Variants in COL18A1 observed in about 807,000 individuals in gnomAD.
COL18A1 encodes the protein collagen type XVIII alpha 1 chain, also known as collagen alpha-1(XVIII) chain.
COL18A1 carries 133 observed loss-of-function variants against 168.0 expected under a neutral mutation model. That is an observed-to-expected ratio of 0.79 (90% confidence interval 0.69 to 0.91). The LOEUF is 0.91. COL18A1 is among the 40% of genes least tolerant of loss of function. COL18A1 has a pLI of 0.00. For synonymous variants in COL18A1, 949 were observed against 809.0 expected, an observed-to-expected ratio of 1.17 and a Z score of -2.94; for missense variants, 2,126 against 1,925.4, an observed-to-expected ratio of 1.10 and a Z score of -1.95.
At chr21:45,430,106 C>G (rs1217490563) in intron 2 of COL18A1, among the ~76,000 whole-genome samples, 1 of 151,692 alleles carries the variant, frequency 6.6e-6, no homozygotes, top group African/African-American at 2.4e-5. Flanking sequence ...CTAGCGCCCT[C>G]TCGTTGGGGA....
In COL18A1 at chr21:45,443,034, G is replaced by A. The variant is rs2034421049; in HGVS notation, c.107-25208G>A. Among the ~76,000 whole-genome samples, 1 of 144,256 alleles carries A rather than the reference G, an allele frequency of 6.9e-6. No homozygotes were observed. The highest frequency in any genetic ancestry group is 2.8e-5 in the African/African-American group (1 of 35,910). 94.6% of individuals were successfully genotyped at this position (144,256 alleles called of 152,430 possible). On this transcript the variant is annotated intron_variant, in intron 2 of 41. Transcript: ENST00000651438. The surrounding 1 kb of genome is among the most constrained non-coding windows in gnomAD (Gnocchi z 5.2). ...TGATGTGGGTGGTGGTGGTGCTGAT[G>A]TGGGCGGCGGTGCTGGTGTGGGCGG... is the stretch of plus-strand genomic sequence containing the variant.
At position 45,455,453 on chromosome 21, in the gene COL18A1, G is replaced by T. The variant is rs752470; in HGVS notation, c.107-12789G>T. The T allele has an allele frequency of 3.3e-4, 521 of 1,591,386 alleles. 1 individual carries two copies. In the African/African-American group the frequency reaches 5.2e-3, roughly 16 times the overall value. ...GGGAAGCCTGCACAGGGGAGGGCAG[G>T]AGGGCGTGAGCCTGGCTAGCCCCAC... On this transcript the variant is annotated intron_variant, in intron 2 of 41. Coordinates refer to ENST00000651438, the MANE Select transcript of COL18A1 (RefSeq NM_001379500.1).
At chr21:45,456,731 C>T in intron 2 of COL18A1, 1 of 1,534,626 alleles carries the variant, frequency 6.5e-7, no homozygotes, top group Non-Finnish European at 8.7e-7. Context: ...CGGCAGCGTC[C>T]CGCCGCCCGC....
At chr21:45,502,639 A>C (rs2146053854) in intron 32 of COL18A1, 1 of 152,326 alleles carries the variant, frequency 6.6e-6, no homozygotes, top group South Asian at 2.1e-4. Flanking sequence ...ACTGAGGAAA[A>C]GGAGAGAAGC....
At chr21:45,436,762 G>A (rs1319765851) in intron 2 of COL18A1, among the ~76,000 whole-genome samples, 1 of 151,938 alleles carries the variant, frequency 6.6e-6, no homozygotes. Flanking sequence ...TCCCTGATGG[G>A]AGGGAGATGT....
intron 26 of COL18A1, chr21:45,494,248 T>TTC: frequency 4.2e-6 from 2 of 472,540 alleles, no homozygotes. Flanking sequence ...GCACATGCCC[T>TTC]CCACCCTCCA....
intron 2 of COL18A1, among the ~76,000 whole-genome samples, chr21:45,427,486 C>G (rs770192914): frequency 6.6e-6 from 1 of 152,206 alleles, no homozygotes; most frequent in African/African-American, 2.4e-5. Context: ...GCCCGGGTGC[C>G]GTGCCCATGG....
At chr21:45,468,922 C>A in intron 3 of COL18A1, 136 bp downstream of exon 3, 1 of 921,654 alleles carries the variant, frequency 1.1e-6, no homozygotes, top group Non-Finnish European at 1.6e-6. Flanking sequence ...CCCGGGCCTC[C>A]AGCGCAGGCC....
At chr21:45,422,651 C>T (rs892568251) in intron 2 of COL18A1, 14 of 346,440 alleles carry the variant, frequency 4.0e-5, no homozygotes, top group South Asian at 1.9e-4. Flanking sequence ...ACGGGGCCTC[C>T]GCCCAGCACC....
intron 21 of COL18A1, among the ~76,000 whole-genome samples, 155 bp downstream of exon 21, chr21:45,491,026 T>C (rs2036322711): frequency 6.6e-6 from 1 of 152,124 alleles, no homozygotes; most frequent in South Asian, 2.1e-4. Context: ...GCTTTCAGGC[T>C]GGGGGCAGCG....
chr21:45,493,475 C>T (rs1198709804), intron 25 of COL18A1, 26 bp from the exon 26 acceptor site: 1 of 1,546,314 alleles, frequency 6.5e-7, no homozygotes, highest in Non-Finnish European at 8.8e-7. Context: ...CTGGCCCTGA[C>T]TCTGCTGGAC....
intron 2 of COL18A1, among the ~76,000 whole-genome samples, chr21:45,448,807 C>T (rs569814633): frequency 1.1e-4 from 16 of 152,356 alleles, no homozygotes; most frequent in African/African-American, 2.9e-4. Flanking sequence ...TCAGGGACCA[C>T]GTGTTGCATT....
At position 45,405,309 on chromosome 21, in the gene COL18A1, CGGGGCTCGGCCGGGTCCTG is replaced by C. The variant is rs1602316972; in HGVS notation, c.11+69_12-51del. On this transcript the variant is annotated intron_variant, in intron 1 of 41. Coordinates refer to ENST00000651438, the MANE Select transcript of COL18A1 (RefSeq NM_001379500.1). ...GCGGCTGCGGGGGTCGCGGGGGTCG[CGGGGCTCGGCCGGGTCCTG>C]CGGGGGTCGCGGGGGTCCTGCGGGG... 101 of 556,228 alleles carry C rather than the reference CGGGGCTCGGCCGGGTCCTG, an allele frequency of 1.8e-4. 3 individuals carry two copies. In the East Asian group the frequency reaches 5.7e-3, roughly 32 times the overall value. The allele number at this position is 556,228 out of a possible 1,614,324, so 34.5% of individuals were successfully genotyped here.
At chr21:45,494,507 G>T in intron 26 of COL18A1, 38 bp from the exon 27 acceptor site, 1 of 1,613,178 alleles carries the variant, frequency 6.2e-7, no homozygotes, top group Non-Finnish European at 8.5e-7. Context: ...TGGGGCACAA[G>T]CTGCCACCTA....
Position 45,437,337 on chromosome 21 carries a change from GAC to G in COL18A1, c.107-30899_107-30898del, listed in dbSNP as rs1281019482. Reference sequence around the variant, plus strand: ...ACTCTCCTGCACACACACACACTCAGACACACAGGCACTCTCCTGCGCACACA... The same window carrying G: ...ACTCTCCTGCACACACACACACTCAGACACAGGCACTCTCCTGCGCACACA... On this transcript the variant is annotated intron_variant, in intron 2 of 41. Coordinates refer to ENST00000651438, the MANE Select transcript of COL18A1 (RefSeq NM_001379500.1). 8.7e-3 allele frequency among the ~76,000 whole-genome samples: 103 copies of G among 11,902 alleles called. 1 individual carries two copies. The highest frequency in any genetic ancestry group is 9.2e-3 in the Non-Finnish European group (59 of 6,434). The allele number at this position is 11,902 out of a possible 152,430, so 7.8% of individuals were successfully genotyped here. A position where few individuals can be genotyped will look rare whatever the true frequency, so the allele number is the denominator to read the frequency against.
chr21:45,442,945 G>T (rs1299922357), intron 2 of COL18A1, among the ~76,000 whole-genome samples: 3 of 143,004 alleles, frequency 2.1e-5, no homozygotes, highest in Non-Finnish European at 4.5e-5. Flanking sequence ...GCTGGTGTGG[G>T]CAGCGGTGCT....
intron 2 of COL18A1, among the ~76,000 whole-genome samples, chr21:45,418,430 G>C (rs1215113887): frequency 6.6e-6 from 1 of 152,120 alleles, no homozygotes; most frequent in African/African-American, 2.4e-5. Flanking sequence ...GGTTTCCCTT[G>C]CTTTGTGGCA....
intron 18 of COL18A1, 127 bp from the exon 19 acceptor site, chr21:45,489,359 C>A (rs1158016892): frequency 3.8e-6 from 3 of 788,788 alleles, no homozygotes; most frequent in Non-Finnish European, 6.6e-6. Flanking sequence ...GACCCCTCGG[C>A]TCTGGGCTGG....
rs117424593 is a variant in COL18A1 at position 45,441,677 on chromosome 21, C to T, written c.107-26565C>T. On this transcript the variant is annotated intron_variant, in intron 2 of 41. Coordinates refer to ENST00000651438, the MANE Select transcript of COL18A1 (RefSeq NM_001379500.1). ...ACGGCCGTGAGCTTCCCATGTTCTG[C>T]CGCTGGCTCTTCACGCCAACAGGTC... Among the ~76,000 whole-genome samples the T allele has an allele frequency of 9.2e-5, 14 of 152,376 alleles. No homozygotes were observed. In the East Asian group the frequency reaches 2.7e-3, roughly 29 times the overall value.
Sources: allele counts gnomAD v4.1 joint callset (sites outside exome capture counted in the v4.1 genomes callset), GRCh38; gene constraint gnomAD v4.1.1; non-coding constraint Gnocchi (gnomAD v3.1); transcripts MANE v1.5; gene names NCBI Gene and HGNC (gene_info 2026-07-23, HGNC 2026-07-21).